The following EPN2 variants were observed in gnomAD, a reference collection of about 807,000 sequenced individuals.
EPN2 encodes epsin 2.
Under a neutral mutation model 61.7 loss-of-function variants are expected in EPN2, and 34 were observed. The ratio of observed to expected loss-of-function variants is 0.55; its 90% CI spans 0.42 to 0.73. The LOEUF (loss-of-function observed/expected upper bound fraction) is 0.73, where lower values mean the gene tolerates loss of function less well. Ranked by LOEUF, EPN2 falls within the 30% of genes least tolerant of loss-of-function variation. The pLI is 0.00. For synonymous variants in EPN2, 349 were observed against 353.6 expected (o/e 0.99, Z 0.15); for missense variants, 714 against 839.2 (o/e 0.85, Z 1.84).
At chr17:19,281,487 C>T (rs1313871549) in intron 1 of EPN2, among the ~76,000 whole-genome samples, 1 of 152,150 alleles carries the variant, frequency 6.6e-6, no homozygotes, top group Non-Finnish European at 1.5e-5. Context: ...TTGCTTCTGC[C>T]ACCTTTTGTT....
chr17:19,312,966 T>G, intron 6 of EPN2, 139 bp from the exon 7 acceptor site: 1 of 837,338 alleles, frequency 1.2e-6, no homozygotes. Context: ...GACGGCTCAG[T>G]TTCCAAGTTC....
intron 7 of EPN2, among the ~76,000 whole-genome samples, chr17:19,317,452 G>C (rs1251151238): frequency 6.6e-6 from 1 of 152,216 alleles, no homozygotes; most frequent in Non-Finnish European, 1.5e-5. Flanking sequence ...GCAGCAGGTG[G>C]TGCTACTGGC....
Position 19,329,551 on chromosome 17 carries a change from G to T in EPN2, c.1325-10G>T. On this transcript the variant is annotated splice_polypyrimidine_tract_variant and intron_variant, in intron 8 of 10. Coordinates refer to ENST00000314728, the MANE Select transcript of EPN2 (RefSeq NM_014964.5). ...GATGCCCCCAGTCATTGGCTTCTGT[G>T]TCCACCCAGGGTCCTTTGAGCTCTT... The T allele has an allele frequency of 6.3e-7, 1 of 1,592,942 alleles. No individual in the cohort carries two copies. Among genetic ancestry groups the T allele is most frequent in the Non-Finnish European group, 8.6e-7 (1 of 1,161,606 alleles).
intron 1 of EPN2, among the ~76,000 whole-genome samples, chr17:19,281,014 C>T (rs1417500650): frequency 6.6e-6 from 1 of 152,170 alleles, no homozygotes; most frequent in Non-Finnish European, 1.5e-5. Flanking sequence ...GCAAAGGATA[C>T]AGATGAAGAG....
At chr17:19,331,291 CT>C (rs1478727552) in intron 9 of EPN2, among the ~76,000 whole-genome samples, 1 of 152,130 alleles carries the variant, frequency 6.6e-6, no homozygotes, top group African/African-American at 2.4e-5. Flanking sequence ...ACATTATTTG[CT>C]TAGACCAGAT....
intron 1 of EPN2, among the ~76,000 whole-genome samples, chr17:19,280,728 G>A (rs1260593302): frequency 1.3e-5 from 2 of 152,074 alleles, no homozygotes; most frequent in Admixed American, 6.5e-5. Context: ...TTCTCCCCAC[G>A]TAACAAGCAA....
At chr17:19,274,343 A>G (rs1013588855) in intron 1 of EPN2, 10 of 152,252 alleles carry the variant, frequency 6.6e-5, no homozygotes, top group Admixed American at 1.3e-4. Context: ...TTTCCCAAGC[A>G]TTCTCTGTCA....
intron 4 of EPN2, among the ~76,000 whole-genome samples, chr17:19,298,125 C>T (rs553499265): frequency 9.2e-5 from 14 of 152,258 alleles, no homozygotes; most frequent in South Asian, 4.1e-4. Context: ...CTGCCCTCCT[C>T]GGCCTCCCAA....
At chr17:19,306,912 G>A (rs1209441647) in intron 4 of EPN2, among the ~76,000 whole-genome samples, 1 of 152,218 alleles carries the variant, frequency 6.6e-6, no homozygotes, top group East Asian at 1.9e-4. Context: ...CCAAGCCTCA[G>A]AGATTCCTTA....
At position 19,266,410 on chromosome 17, in the gene EPN2, T is replaced by A. The variant is rs4924963; in HGVS notation, c.-293-15545T>A. 7.2e-3 allele frequency among the ~76,000 whole-genome samples: 1,047 copies of A among 146,054 alleles called. 2 individuals carry two copies. The highest frequency in any genetic ancestry group is 8.2e-3 in the South Asian group (31 of 3,796). On this transcript the variant is annotated intron_variant, in intron 1 of 10. Coordinates refer to ENST00000314728, the MANE Select transcript of EPN2 (RefSeq NM_014964.5). ...TCAACATTATTATTTATTTTATTTT[T>A]TTTTTTTTTTGAGACGGAGTCTCGC... is the stretch of plus-strand genomic sequence containing the variant.
intron 1 of EPN2, among the ~76,000 whole-genome samples, chr17:19,277,203 C>G (rs918587413): frequency 4.6e-5 from 7 of 151,926 alleles, no homozygotes; most frequent in African/African-American, 1.7e-4. Context: ...GAGTCCGAGA[C>G]CAGCCTGGCC....
intron 1 of EPN2, among the ~76,000 whole-genome samples, chr17:19,254,433 CG>C (rs530938922): frequency 6.6e-6 from 1 of 151,826 alleles, no homozygotes; most frequent in Non-Finnish European, 1.5e-5. Context: ...CTCAGCTACT[CG>C]GGAGGCTGAG....
intron 4 of EPN2, among the ~76,000 whole-genome samples, chr17:19,300,750 T>G (rs980287089): frequency 1.8e-4 from 27 of 152,280 alleles, no homozygotes; most frequent in African/African-American, 5.5e-4. Context: ...TTGGAGGCCT[T>G]CCTGGAACTG....
At chr17:19,316,945 C>T (rs1020940680) in intron 7 of EPN2, among the ~76,000 whole-genome samples, 2 of 152,230 alleles carry the variant, frequency 1.3e-5, no homozygotes, top group Non-Finnish European at 2.9e-5. Context: ...AGCGTGTTAG[C>T]ACACCCTCTG....
chr17:19,317,752 G>A (rs1295547201), intron 7 of EPN2, among the ~76,000 whole-genome samples: 1 of 152,182 alleles, frequency 6.6e-6, no homozygotes, highest in Non-Finnish European at 1.5e-5. Context: ...CCCTGCCGAG[G>A]ACGTGGAGAG....
At chr17:19,266,962 G>A (rs1455240256) in intron 1 of EPN2, among the ~76,000 whole-genome samples, 2 of 146,898 alleles carry the variant, frequency 1.4e-5, no homozygotes, top group Non-Finnish European at 3.0e-5. Flanking sequence ...TGAGGCAGAC[G>A]GATCACGAGG....
chr17:19,251,467 A>T (rs2045014503), intron 1 of EPN2, among the ~76,000 whole-genome samples: 1 of 146,900 alleles, frequency 6.8e-6, no homozygotes, highest in South Asian at 2.1e-4. Flanking sequence ...TTGTAGTTGA[A>T]TTTTTTTTTT....
intron 1 of EPN2, among the ~76,000 whole-genome samples, chr17:19,250,643 G>A (rs1203133897): frequency 3.9e-5 from 6 of 152,112 alleles, no homozygotes; most frequent in Admixed American, 1.3e-4. Context: ...CAGTGTCGGC[G>A]CCATCTCTAG....
intron 7 of EPN2, among the ~76,000 whole-genome samples, chr17:19,322,370 C>T (rs959525148): frequency 6.6e-6 from 1 of 152,178 alleles, no homozygotes; most frequent in Non-Finnish European, 1.5e-5. Flanking sequence ...GTGAAGGCAG[C>T]ACTCTCCTCC....
Sources: allele counts gnomAD v4.1 joint callset (sites outside exome capture counted in the v4.1 genomes callset), GRCh38; gene constraint gnomAD v4.1.1; transcripts MANE v1.5; gene names NCBI Gene and HGNC (gene_info 2026-07-23, HGNC 2026-07-21).